The following NCKAP5 variants were observed in gnomAD, a reference collection of about 807,000 sequenced individuals.
NCKAP5 encodes nck-associated protein 5.
In NCKAP5, 92 loss-of-function variants were observed where a neutral mutation model predicts 167.0. The observed-to-expected ratio is 0.55, with a 90% CI of 0.47 to 0.66. The LOEUF (loss-of-function observed/expected upper bound fraction) is 0.66. Ranked by LOEUF, NCKAP5 falls within the 30% of genes least tolerant of loss-of-function variation. The pLI is 0.00. For missense variants in NCKAP5, 2,378 were observed against 2,315.0 expected, an observed-to-expected ratio of 1.03 and a Z score of -0.56; for synonymous variants, 891 against 877.4, an observed-to-expected ratio of 1.02 and a Z score of -0.27.
At chr2:133,176,063 G>A (rs1559226801) in intron 5 of NCKAP5, among the ~76,000 whole-genome samples, 1 of 152,174 alleles carries the variant, frequency 6.6e-6, no homozygotes, top group Non-Finnish European at 1.5e-5. Context: ...GGACTAGTCA[G>A]GGAGGATCGT....
chr2:132,713,380 T>C (rs529107789), intron 19 of NCKAP5, among the ~76,000 whole-genome samples: 2 of 82,498 alleles, frequency 2.4e-5, no homozygotes, highest in Admixed American at 1.2e-4. Flanking sequence ...AGCCTGGCAG[T>C]ATCTGGAGGA....
At chr2:133,375,094 C>T (rs758225463) in intron 3 of NCKAP5, among the ~76,000 whole-genome samples, 7 of 152,136 alleles carry the variant, frequency 4.6e-5, no homozygotes, top group East Asian at 3.9e-4. Context: ...TATCTGGTAA[C>T]GGAACACCTC....
chr2:132,831,015 T>A (rs1687485585), intron 11 of NCKAP5, among the ~76,000 whole-genome samples: 1 of 152,202 alleles, frequency 6.6e-6, no homozygotes, highest in East Asian at 1.9e-4. Context: ...TGCTAACACA[T>A]ATTTAGGTTT....
At chr2:133,114,538 G>T (rs939582697) in intron 6 of NCKAP5, among the ~76,000 whole-genome samples, 7 of 152,108 alleles carry the variant, frequency 4.6e-5, no homozygotes, top group African/African-American at 1.7e-4. Flanking sequence ...CAAATATTCA[G>T]GGAGTAGACA....
At chr2:132,701,664 TAA>T (rs1372768471) in intron 19 of NCKAP5, among the ~76,000 whole-genome samples, 1 of 152,188 alleles carries the variant, frequency 6.6e-6, no homozygotes, top group East Asian at 1.9e-4. Flanking sequence ...CAGACACATA[TAA>T]AGAGATGCTA....
At chr2:132,913,080 A>G (rs1247554286) in intron 8 of NCKAP5, among the ~76,000 whole-genome samples, 1 of 151,922 alleles carries the variant, frequency 6.6e-6, no homozygotes, top group Non-Finnish European at 1.5e-5. Context: ...ATTTGTCTCA[A>G]TAAATTATTC....
intron 19 of NCKAP5, among the ~76,000 whole-genome samples, chr2:132,713,793 G>T (rs1689096385): frequency 6.6e-6 from 1 of 152,086 alleles, no homozygotes; most frequent in African/African-American, 2.4e-5. Flanking sequence ...CTTGTGGGGG[G>T]TTCATAAATA....
At chr2:133,284,787 T>A (rs575091328) in intron 4 of NCKAP5, 1 of 152,354 alleles carries the variant, frequency 6.6e-6, no homozygotes, top group Admixed American at 6.5e-5. Context: ...TTATCCACAA[T>A]TTCTTCTTTG....
intron 5 of NCKAP5, among the ~76,000 whole-genome samples, chr2:133,189,038 C>A (rs2085084352): frequency 6.6e-6 from 1 of 151,910 alleles, no homozygotes; most frequent in African/African-American, 2.4e-5. Context: ...AGGCTACTAG[C>A]AAGACTAATA....
At chr2:132,790,742 A>G (rs1468889707) in intron 12 of NCKAP5, among the ~76,000 whole-genome samples, 1 of 152,150 alleles carries the variant, frequency 6.6e-6, no homozygotes, top group African/African-American at 2.4e-5. Context: ...TCTTTCTTCA[A>G]AGGAAATCAT....
At position 132,788,926 on chromosome 2, in the gene NCKAP5, T is replaced by G. The variant is rs148777595; in HGVS notation, c.1092+1097A>C. ...TGTCTTCATGAATCTGGGTCTGGCT[T>G]GTTAGGTCCCTGAGAAACAAGACAG... On this transcript the variant is annotated intron_variant, in intron 13 of 19. Transcript: ENST00000409261. 5.4e-3 allele frequency among the ~76,000 whole-genome samples: 821 copies of G among 152,276 alleles called. 5 individuals carry two copies. Among genetic ancestry groups the G allele is most frequent in the African/African-American group, 0.018 (748 of 41,540 alleles).
At chr2:132,838,188 C>G (rs1291736825) in intron 11 of NCKAP5, among the ~76,000 whole-genome samples, 1 of 152,162 alleles carries the variant, frequency 6.6e-6, no homozygotes, top group African/African-American at 2.4e-5. Context: ...TCCGTGGCAC[C>G]TGGGGTCTCC....
intron 3 of NCKAP5, among the ~76,000 whole-genome samples, chr2:133,340,155 T>A (rs1683474350): frequency 6.6e-6 from 1 of 152,226 alleles, no homozygotes; most frequent in Admixed American, 6.5e-5. Flanking sequence ...CAAAACGGAA[T>A]CATTTAAGAA....
intron 19 of NCKAP5, 51 bp downstream of exon 19, chr2:132,725,576 G>A (rs375266385): frequency 1.2e-5 from 18 of 1,562,638 alleles, no homozygotes; most frequent in South Asian, 1.1e-4. Flanking sequence ...TATAATCAGC[G>A]GCTTCCCAGA....
At chr2:133,318,758 T>C (rs1681801678) in intron 3 of NCKAP5, among the ~76,000 whole-genome samples, 2 of 152,168 alleles carry the variant, frequency 1.3e-5, no homozygotes, top group Admixed American at 1.3e-4. Flanking sequence ...AGAGCAATGG[T>C]GCAATGCAAT....
chr2:133,504,791 G>A (rs151226836), intron 3 of NCKAP5, among the ~76,000 whole-genome samples: 1 of 152,134 alleles, frequency 6.6e-6, no homozygotes, highest in Non-Finnish European at 1.5e-5. Flanking sequence ...AGGCCACTGG[G>A]ACCCTGTTTC....
the NCKAP5 span, among the ~76,000 whole-genome samples, chr2:133,592,181 T>C: frequency 6.6e-6 from 1 of 152,224 alleles, no homozygotes; most frequent in African/African-American, 2.4e-5. Flanking sequence ...CCCTAATTTA[T>C]TTAACCAGCT....
At chr2:133,194,787 A>G (rs1223427812) in intron 5 of NCKAP5, among the ~76,000 whole-genome samples, 1 of 151,628 alleles carries the variant, frequency 6.6e-6, no homozygotes, top group Non-Finnish European at 1.5e-5. Flanking sequence ...TCCTGCATTC[A>G]CAGACCCAGA....
Position 133,462,869 on chromosome 2 carries a change from G to A in NCKAP5, c.69+54589C>T, listed in dbSNP as rs147345021. Among the ~76,000 whole-genome samples, 62 of 152,246 alleles carry A rather than the reference G, an allele frequency of 4.1e-4. 2 individuals are homozygous for A. In the East Asian group the frequency reaches 0.01, roughly 26 times the overall value. On this transcript the variant is annotated intron_variant, in intron 3 of 19. Coordinates refer to ENST00000409261, the MANE Select transcript of NCKAP5 (RefSeq NM_207363.3). Reference sequence around the variant, plus strand: ...TTAAAATGCAATGATTTACAAAGTCGTTTTCTGATATCTTCCACCGGCCCT... The same window carrying A: ...TTAAAATGCAATGATTTACAAAGTCATTTTCTGATATCTTCCACCGGCCCT...
Sources: gnomAD v4.1 joint callset for allele counts (sites outside exome capture counted in the v4.1 genomes callset) on GRCh38, gnomAD v4.1.1 for gene constraint, MANE v1.5 for transcripts, NCBI Gene and HGNC (gene_info 2026-07-23, HGNC 2026-07-21) for gene names.